The following BSN variants were observed in gnomAD, a reference collection of about 807,000 sequenced individuals.
BSN encodes protein bassoon.
Under a neutral mutation model 264.8 loss-of-function variants are expected in BSN, and 57 were observed. That is an observed-to-expected ratio of 0.22 (90% CI 0.17 to 0.27). The LOEUF (loss-of-function observed/expected upper bound fraction) is 0.27, where lower values mean the gene tolerates loss of function less well. Ranked by LOEUF, BSN falls within the 10% of genes least tolerant of loss-of-function variation. BSN has a pLI of 1.00. For missense variants in BSN, 4,615 were observed against 5,232.5 expected (o/e 0.88, Z 3.64); for synonymous variants, 2,059 against 2,137.3 (o/e 0.96, Z 1.01).
At position 49,585,572 on chromosome 3, in the gene BSN, C is replaced by A. The variant is rs1352301054; in HGVS notation, c.224+30746C>A. Among the ~76,000 whole-genome samples, 1 of 152,232 alleles carries A rather than the reference C, an allele frequency of 6.6e-6. No individual in the cohort carries two copies. Among genetic ancestry groups the A allele is most frequent in the Non-Finnish European group, 1.5e-5 (1 of 68,030 alleles). On this transcript the variant is annotated intron_variant, in intron 1 of 11. Coordinates refer to ENST00000296452, the MANE Select transcript of BSN (RefSeq NM_003458.4). The surrounding 1 kb of genome is among the most constrained non-coding windows in gnomAD (Gnocchi z 4.7). ...CTCCACCCGGTCCGCCGCCGGTTTC[C>A]TTGGAAGTTAAATCTTGGAGGATTT...
chr3:49,652,992 C>T lies in BSN; in HGVS notation c.3436C>T (p.Leu1146Phe). The stretch of plus-strand genomic sequence containing the variant: ...GGCCTTGGATGGTGGCCCTAGCCGG[C>T]TTTACAAGTCAGGCAGTGAGTACAA... ...AEALDGGPSRLYKSGSEYNLP... is the reference protein window; with the variant it reads ...AEALDGGPSRFYKSGSEYNLP... The change falls in exon 5 of 12, where the codon CTT becomes TTT. Residue 1146 changes from leucine to phenylalanine, a missense_variant. Around this residue, in one of 3 missense-constraint regions of BSN, gnomAD observed 3,415 missense variants for 3,866.4 expected, o/e 0.88. Transcript: ENST00000296452. 6.2e-7 allele frequency: 1 copy of T among 1,613,424 alleles called. No individual in the cohort carries two copies. Among genetic ancestry groups the T allele is most frequent in the African/African-American group, 1.3e-5 (1 of 75,040 alleles).
Position 49,650,613 on chromosome 3 carries a change from A to G in BSN, c.1520A>G (p.Lys507Arg). The change falls in exon 4 of 12, where the codon AAA becomes AGA. Residue 507 changes from lysine (K) to arginine (R), a missense_variant and splice_region_variant. Coordinates refer to ENST00000296452, the MANE Select transcript of BSN (RefSeq NM_003458.4). ...ACCCCCTCTCCCATTTCCTTGCAGA[A>G]AACAGAGTGGCTCTGTCTGAACTGC... ...GFNPTPHLVE[K>R]TEWLCLNCQT... is the part of the protein sequence containing the mutation. 1 of 1,588,720 alleles carries G rather than the reference A, an allele frequency of 6.3e-7. No individual in the cohort carries two copies. Among genetic ancestry groups the G allele is most frequent in the Middle Eastern group, 1.7e-4 (1 of 5,978 alleles).
chr3:49,609,088 A>AC (rs2052182449), intron 1 of BSN, among the ~76,000 whole-genome samples: 1 of 109,232 alleles, frequency 9.2e-6, no homozygotes, highest in Non-Finnish European at 1.9e-5. Context: ...GGTTAAATTG[A>AC]CTTTTTTTTT....
intron 1 of BSN, among the ~76,000 whole-genome samples, chr3:49,589,610 G>C (rs1407363608): frequency 2.0e-5 from 3 of 148,806 alleles, no homozygotes; most frequent in Non-Finnish European, 4.5e-5. Flanking sequence ...AGGTTCAAGC[G>C]ATTCTCCTGC....
In BSN at chr3:49,652,765, C is replaced by G; in HGVS notation, c.3209C>G (p.Thr1070Arg). The change falls in exon 5 of 12, where the codon ACG becomes AGG. Residue 1070 changes from threonine (T) to arginine (R), a missense_variant. By Grantham distance (71) the Thr-to-Arg change is moderately conservative. Around this residue, in one of 3 missense-constraint regions of BSN, gnomAD observed 3,415 missense variants for 3,866.4 expected, o/e 0.88. Coordinates refer to ENST00000296452, the MANE Select transcript of BSN (RefSeq NM_003458.4). ...GTGGAGCAGCAGCGCATCCGCAGCA[C>G]GGCCCGCAAGACCCGGCGGGACAAG... ...REVEQQRIRSTARKTRRDKEE... is the reference protein window; with the variant it reads ...REVEQQRIRSRARKTRRDKEE... The G allele has an allele frequency of 6.4e-7, 1 of 1,554,552 alleles. No individual in the cohort carries two copies. The highest frequency in any genetic ancestry group is 1.2e-5 in the South Asian group (1 of 81,062).
At chr3:49,658,229 A>G (rs1226506134) in intron 5 of BSN, 33 bp downstream of exon 5, 1 of 1,505,926 alleles carries the variant, frequency 6.6e-7, no homozygotes, top group Non-Finnish European at 8.9e-7. Flanking sequence ...AGGGTGGGAC[A>G]GGGGTCTCTG....
At chr3:49,634,800 C>T (rs1366455657) in intron 2 of BSN, among the ~76,000 whole-genome samples, 1 of 152,166 alleles carries the variant, frequency 6.6e-6, no homozygotes, top group Non-Finnish European at 1.5e-5. Flanking sequence ...GTTAAAATTA[C>T]AATTTAATAT....
chr3:49,619,430 A>T (rs2108052930), intron 1 of BSN, among the ~76,000 whole-genome samples: 1 of 152,338 alleles, frequency 6.6e-6, no homozygotes. Context: ...CAGCTACCCT[A>T]GAAAGGCAGT....
chr3:49,586,321 C>T (rs1463265789), intron 1 of BSN, among the ~76,000 whole-genome samples: 2 of 117,628 alleles, frequency 1.7e-5, no homozygotes, highest in African/African-American at 3.3e-5. Context: ...ATCCAGTTTT[C>T]CCAGCTCTAT....
Position 49,654,899 on chromosome 3 carries a change from C to T in BSN, c.5343C>T (p.Val1781=). ...LAQVKQVEQA[V]QTAPYRSGPR... is the part of the protein sequence containing the mutation. ...AGGTCAAACAAGTAGAGCAGGCTGT[C>T]CAGACAGCCCCATACCGAAGTGGGC... The change falls in exon 5 of 12, where the codon GTC becomes GTT. Residue 1781 remains valine (V), a synonymous_variant. Transcript: ENST00000296452. The surrounding 1 kb of genome is among the most constrained non-coding windows in gnomAD (Gnocchi z 4.1). The T allele has an allele frequency of 3.7e-6, 6 of 1,613,060 alleles. No homozygotes were observed. The highest frequency in any genetic ancestry group is 5.1e-6 in the Non-Finnish European group (6 of 1,179,690).
chr3:49,661,459 G>A lies in BSN; in HGVS notation c.9614G>A (p.Ser3205Asn), dbSNP rs1300922896. 6.2e-7 allele frequency: 1 copy of A among 1,613,852 alleles called. No homozygotes were observed. Among genetic ancestry groups the A allele is most frequent in the Non-Finnish European group, 8.5e-7 (1 of 1,180,046 alleles). Residue 3205 changes from serine (S) to asparagine (N), a missense_variant, in exon 6 of 12, where the codon AGT becomes AAT. Transcript: ENST00000296452. ...GTGCCCCGGGCTGGTGACCGTGGCA[G>A]TGTGAGCCAGAGCCCAGCCCCCACC... ...PEVPRAGDRG[S>N]VSQSPAPTYP... is the part of the protein sequence containing the mutation.
intron 1 of BSN, among the ~76,000 whole-genome samples, chr3:49,560,759 T>C (rs2051705757): frequency 1.3e-5 from 2 of 152,162 alleles, no homozygotes; most frequent in African/African-American, 2.4e-5. Context: ...GTGGAGTGAA[T>C]TGGGACACTG....
rs115552063 is a variant in BSN, at chr3:49,642,393, G to A, written c.759G>A (p.Pro253=). Residue 253 remains proline (P), a synonymous_variant, in exon 3 of 12, where the codon CCG becomes CCA. Transcript: ENST00000296452. This position sits in a 1 kb window ranked among gnomAD's most constrained non-coding sequence, Gnocchi z 7.0. The part of the protein sequence containing the change: ...HSPALSPAHS[P]AKQPLGKPDQ... ...CAGCCCTGTCTCCTGCCCACTCCCC[G>A]GCCAAACAGCCCCTGGGGAAGCCAG... 0.012 allele frequency: 19,564 copies of A among 1,600,474 alleles called. 145 individuals are homozygous for A. Among genetic ancestry groups the A allele is most frequent in the Non-Finnish European group, 0.015 (17,470 of 1,173,514 alleles).
chr3:49,593,806 T>G (rs1186821941), intron 1 of BSN, among the ~76,000 whole-genome samples: 1 of 137,590 alleles, frequency 7.3e-6, no homozygotes, highest in Non-Finnish European at 1.6e-5. Context: ...TTGTTTTTTG[T>G]TTTTTTTTTT....
chr3:49,627,171 T>G (rs1418837854), intron 2 of BSN, among the ~76,000 whole-genome samples: 1 of 152,230 alleles, frequency 6.6e-6, no homozygotes, highest in Non-Finnish European at 1.5e-5. Context: ...TGCTGTGAGA[T>G]TCCTCAGGAT....
rs903008204 is a variant in BSN at position 49,671,347 on chromosome 3, G to A, written c.*3862G>A. The stretch of plus-strand genomic sequence containing the variant: ...TTTCCTTCTCTCCTTCTTTATTTGA[G>A]GGGGGAAGAGTGCTGTACAAAGTCA... On this transcript the variant is annotated 3_prime_UTR_variant, in exon 12 of 12. Coordinates refer to ENST00000296452, the MANE Select transcript of BSN (RefSeq NM_003458.4). This position sits in a 1 kb window ranked among gnomAD's most constrained non-coding sequence, Gnocchi z 4.1. 1.3e-5 allele frequency: 2 copies of A among 152,290 alleles called. No homozygotes were observed. The highest frequency in any genetic ancestry group is 2.4e-5 in the African/African-American group (1 of 41,370). The allele number at this position is 152,290 out of a possible 1,614,324, so 9.4% of individuals were successfully genotyped here. A position where few individuals can be genotyped will look rare whatever the true frequency, so the allele number is the denominator to read the frequency against.
chr3:49,604,587 T>TAA (rs572764360), intron 1 of BSN, among the ~76,000 whole-genome samples: 3 of 152,176 alleles, frequency 2.0e-5, no homozygotes, highest in Non-Finnish European at 4.4e-5. Context: ...TGCATATATA[T>TAA]AACACACTTT....
At position 49,657,751 on chromosome 3, in the gene BSN, C is replaced by T. The variant is rs201556520; in HGVS notation, c.8195C>T (p.Pro2732Leu). 8.4e-6 allele frequency: 13 copies of T among 1,548,974 alleles called. No individual in the cohort carries two copies. Among genetic ancestry groups the T allele is most frequent in the Admixed American group, 3.8e-5 (2 of 53,282 alleles). The change falls in exon 5 of 12, where the codon CCG (proline) becomes CTG (leucine). Residue 2732 changes from proline (P) to leucine (L), a missense_variant. Physicochemically the swap from Pro to Leu is moderately conservative, Grantham distance 98. Transcript: ENST00000296452. ...GGGCAGGCCCAGGGTGTAGCCGGGC[C>T]GCAGCTTGTAGGGCCAACTGCCATC... ...PDGQAQGVAGPQLVGPTAISP... is the reference protein window; with the variant it reads ...PDGQAQGVAGLQLVGPTAISP...
intron 1 of BSN, among the ~76,000 whole-genome samples, chr3:49,624,527 G>C (rs1455056766): frequency 6.6e-6 from 1 of 151,364 alleles, no homozygotes; most frequent in Non-Finnish European, 1.5e-5. Context: ...TTGAACTTCT[G>C]ACCTCAAGTG....
Sources: allele counts gnomAD v4.1 joint callset (sites outside exome capture counted in the v4.1 genomes callset), GRCh38; gene constraint gnomAD v4.1.1; regional missense constraint gnomAD v4.1.1; non-coding constraint Gnocchi (gnomAD v3.1); transcripts MANE v1.5; gene names NCBI Gene and HGNC (gene_info 2026-07-23, HGNC 2026-07-21).